The following COMMD1 variants were observed in gnomAD, a reference collection of about 807,000 sequenced individuals.
The protein encoded by COMMD1 is COMM domain-containing protein 1.
In COMMD1, 10 loss-of-function variants were observed where a neutral mutation model predicts 17.2. The ratio of observed to expected loss-of-function variants is 0.58; its 90% CI spans 0.36 to 0.99. The LOEUF (loss-of-function observed/expected upper bound fraction) is 0.99, where lower values mean the gene tolerates loss of function less well. COMMD1 is among the 50% of genes least tolerant of loss of function. The probability of loss-of-function intolerance (pLI) is 0.01; values close to 1 mark genes in which losing one functional copy is unlikely to be tolerated. For missense variants in COMMD1, 270 were observed against 231.8 expected (o/e 1.17, Z -1.07); for synonymous variants, 97 against 91.6 (o/e 1.06, Z -0.34).
At chr2:61,945,216 G>C (rs1201072685) in intron 1 of COMMD1, among the ~76,000 whole-genome samples, 1 of 152,230 alleles carries the variant, frequency 6.6e-6, no homozygotes, top group African/African-American at 2.4e-5. Flanking sequence ...TCAGGTTGAA[G>C]ACTGCTCTCT....
chr2:61,979,602 G>A (rs976735785), intron 1 of COMMD1, among the ~76,000 whole-genome samples: 3 of 152,062 alleles, frequency 2.0e-5, no homozygotes, highest in Admixed American at 6.6e-5. Context: ...CACCGCGCCC[G>A]GCCTATTTTT....
At chr2:61,963,934 T>C (rs1055573592) in intron 1 of COMMD1, among the ~76,000 whole-genome samples, 1 of 152,208 alleles carries the variant, frequency 6.6e-6, no homozygotes, top group African/African-American at 2.4e-5. Flanking sequence ...CTCTCCAGAA[T>C]GGAAAACTAC....
intron 1 of COMMD1, among the ~76,000 whole-genome samples, chr2:61,936,100 G>A (rs188728375): frequency 6.6e-6 from 1 of 152,220 alleles, no homozygotes; most frequent in Non-Finnish European, 1.5e-5. Context: ...CACCATGCCC[G>A]GCCCAGCCCA....
chr2:62,051,647 T>C (rs1485297491), intron 2 of COMMD1, among the ~76,000 whole-genome samples: 1 of 152,244 alleles, frequency 6.6e-6, no homozygotes, highest in African/African-American at 2.4e-5. Flanking sequence ...GATTGTTTTC[T>C]GGATTTTCTT....
At chr2:61,992,969 C>G (rs941333116) in intron 1 of COMMD1, among the ~76,000 whole-genome samples, 10 of 152,104 alleles carry the variant, frequency 6.6e-5, no homozygotes, top group Non-Finnish European at 1.5e-4. Flanking sequence ...CTGATTTATA[C>G]TTATAAAAAT....
At chr2:61,997,618 C>T (rs1367091225) in intron 1 of COMMD1, among the ~76,000 whole-genome samples, 2 of 152,156 alleles carry the variant, frequency 1.3e-5, no homozygotes, top group Non-Finnish European at 2.9e-5. Flanking sequence ...ATTTTAAATT[C>T]AGCAGGCCAT....
chr2:61,917,880 A>G (rs1670090256), intron 1 of COMMD1, among the ~76,000 whole-genome samples: 1 of 152,256 alleles, frequency 6.6e-6, no homozygotes, highest in African/African-American at 2.4e-5. Flanking sequence ...TAACTTGAGT[A>G]TAAAATAATG....
At chr2:61,913,366 C>CAAAA (rs767142777) in intron 1 of COMMD1, among the ~76,000 whole-genome samples, 3 of 41,956 alleles carry the variant, frequency 7.2e-5, no homozygotes, top group African/African-American at 2.4e-4. Flanking sequence ...GACTCCATCT[C>CAAAA]AAAAAAAAAA....
intron 2 of COMMD1, among the ~76,000 whole-genome samples, chr2:62,080,706 A>T (rs1347621309): frequency 6.6e-6 from 1 of 152,186 alleles, no homozygotes; most frequent in East Asian, 1.9e-4. Context: ...CATTTCTACC[A>T]ATATTAGTAT....
At chr2:62,023,141 G>A (rs1300548282) in intron 2 of COMMD1, among the ~76,000 whole-genome samples, 2 of 151,826 alleles carry the variant, frequency 1.3e-5, no homozygotes, top group Admixed American at 6.6e-5. Context: ...CAGGAGAATC[G>A]CTTGAACCTG....
chr2:62,112,833 A>G (rs531434188), intron 2 of COMMD1, among the ~76,000 whole-genome samples: 1 of 152,290 alleles, frequency 6.6e-6, no homozygotes, highest in East Asian at 1.9e-4. Flanking sequence ...TTTGGGTTCC[A>G]TGGGTAATGA....
chr2:61,959,327 C>A (rs1360327314), intron 1 of COMMD1, among the ~76,000 whole-genome samples: 1 of 152,104 alleles, frequency 6.6e-6, no homozygotes, highest in East Asian at 1.9e-4. Flanking sequence ...AAAGGAAGGT[C>A]CATGTTCAAT....
Position 61,956,778 on chromosome 2 carries a change from GTC to G in COMMD1, c.181-43920_181-43919del, listed in dbSNP as rs201461625. On this transcript the variant is annotated intron_variant, in intron 1 of 2. Transcript: ENST00000311832. ...TGTTTGTTTTGTTTTTTGCGATGGG[GTC>G]TCGCTCTGTCGCCAGGCTGGTATGC... Among the ~76,000 whole-genome samples, 22 of 151,442 alleles carry G rather than the reference GTC, an allele frequency of 1.5e-4. No homozygotes were observed. The East Asian group carries it at 4.3e-3, about 30-fold the overall frequency.
intron 2 of COMMD1, among the ~76,000 whole-genome samples, chr2:62,052,041 T>C (rs1048762917): frequency 6.6e-6 from 1 of 152,236 alleles, no homozygotes; most frequent in Non-Finnish European, 1.5e-5. Flanking sequence ...ATGAGATGAC[T>C]CTACAGCTCA....
intron 1 of COMMD1, among the ~76,000 whole-genome samples, chr2:61,957,826 G>T (rs1439886660): frequency 6.6e-6 from 1 of 152,016 alleles, no homozygotes; most frequent in Non-Finnish European, 1.5e-5. Context: ...TGTAAATAAA[G>T]ATTTGCAAAG....
intron 2 of COMMD1, among the ~76,000 whole-genome samples, chr2:62,044,835 C>T (rs1184580210): frequency 8.5e-6 from 1 of 117,586 alleles, no homozygotes; most frequent in African/African-American, 3.9e-5. Context: ...AAGCTCCTAA[C>T]TTAAAAAAAA....
chr2:62,001,221 G>T, intron 2 of COMMD1: 1 of 497,532 alleles, frequency 2.0e-6, no homozygotes, highest in South Asian at 2.1e-5. Flanking sequence ...CCAATAATGT[G>T]ATTGCTCAGA....
At chr2:61,915,035 G>A (rs1298057021) in intron 1 of COMMD1, among the ~76,000 whole-genome samples, 2 of 135,560 alleles carry the variant, frequency 1.5e-5, no homozygotes, top group Admixed American at 1.5e-4. Flanking sequence ...ATGGACTTTT[G>A]CTCTTGTTGC....
At chr2:61,958,467 G>T (rs1329681634) in intron 1 of COMMD1, among the ~76,000 whole-genome samples, 1 of 151,880 alleles carries the variant, frequency 6.6e-6, no homozygotes, top group Non-Finnish European at 1.5e-5. Context: ...AAGTTTCACC[G>T]TATTGGCCAG....
Sources: gnomAD v4.1 joint callset for allele counts (sites outside exome capture counted in the v4.1 genomes callset) on GRCh38, gnomAD v4.1.1 for gene constraint, MANE v1.5 for transcripts, NCBI Gene and HGNC (gene_info 2026-07-23, HGNC 2026-07-21) for gene names.